PAK3: variants seen among roughly 807,000 people sequenced by gnomAD.
The protein encoded by PAK3 is serine/threonine-protein kinase PAK 3.
Under a neutral mutation model 41.0 loss-of-function variants are expected in PAK3, and 4 were observed. The ratio of observed to expected loss-of-function variants is 0.10; its 90% CI spans 0.05 to 0.22. The LOEUF (loss-of-function observed/expected upper bound fraction) is 0.22, where lower values mean the gene tolerates loss of function less well. Ranked by LOEUF, PAK3 falls within the 10% of genes least tolerant of loss-of-function variation. The pLI is 1.00. For missense variants in PAK3, 205 were observed against 409.9 expected, an observed-to-expected ratio of 0.50 and a Z score of 4.32; for synonymous variants, 146 against 139.6, an observed-to-expected ratio of 1.05 and a Z score of -0.32.
chrX:111,062,679 G>A (rs1016660489), intron 1 of PAK3, among the ~76,000 whole-genome samples: 13 of 111,410 alleles, frequency 1.2e-4, no homozygotes, highest in Non-Finnish European at 2.5e-4. Flanking sequence ...TCCAGGCTCA[G>A]CAGATCATAT....
chrX:111,171,126 A>T, intron 10 of PAK3, among the ~76,000 whole-genome samples: 1 of 111,212 alleles, frequency 9.0e-6, no homozygotes, highest in East Asian at 2.8e-4. Flanking sequence ...TGACTGGCAC[A>T]ATTGTTTGAA....
chrX:111,041,550 C>G (rs1489442623), intron 1 of PAK3, among the ~76,000 whole-genome samples: 2 of 111,782 alleles, frequency 1.8e-5, no homozygotes, highest in Non-Finnish European at 3.8e-5. Context: ...GCATTTGTGG[C>G]CTTCCACAGA....
chrX:110,955,646 A>G (rs993153578), intron 1 of PAK3, among the ~76,000 whole-genome samples: 1 of 111,710 alleles, frequency 9.0e-6, no homozygotes, highest in Non-Finnish European at 1.9e-5. Context: ...TCTTGATAAA[A>G]CAGGAAAGAA....
intron 11 of PAK3, 152 bp from the exon 12 acceptor site, chrX:111,191,975 T>C (rs1226919381): frequency 1.6e-5 from 6 of 380,006 alleles, no homozygotes; most frequent in East Asian, 1.1e-4. Context: ...TTAATCACAA[T>C]AATAATTTTT....
intron 1 of PAK3, among the ~76,000 whole-genome samples, chrX:111,041,884 A>G (rs931816768): frequency 9.0e-6 from 1 of 111,598 alleles, no homozygotes; most frequent in African/African-American, 3.3e-5. Flanking sequence ...TGACACTTAA[A>G]CACACACTGC....
At chrX:111,203,247 TTA>T (rs1329670717) in intron 16 of PAK3, among the ~76,000 whole-genome samples, 1 of 112,259 alleles carries the variant, frequency 8.9e-6, no homozygotes, top group Non-Finnish European at 1.9e-5. Flanking sequence ...GTCTAAAAAC[TTA>T]TGAGTAATAC....
intron 1 of PAK3, among the ~76,000 whole-genome samples, chrX:110,945,606 C>A (rs1212183407): frequency 8.9e-6 from 1 of 112,071 alleles, no homozygotes; most frequent in South Asian, 3.8e-4. Flanking sequence ...TTAGCGCATC[C>A]TAATGTCTTC....
At chrX:111,043,888 A>T (rs1291439753) in intron 1 of PAK3, among the ~76,000 whole-genome samples, 3 of 111,620 alleles carry the variant, frequency 2.7e-5, no homozygotes, top group African/African-American at 9.8e-5. Context: ...TTTCAATATT[A>T]AAGTTGAAAT....
rs771397059 is a variant in PAK3, at chrX:111,142,210, T to C, written c.276+14T>C. The C allele has an allele frequency of 2.2e-6, 2 of 913,793 alleles. No individual in the cohort carries two copies. Among genetic ancestry groups the C allele is most frequent in the Admixed American group, 2.2e-5 (1 of 45,676 alleles). The allele number at this position is 913,793 out of a possible 1,213,427, so 75.3% of individuals were successfully genotyped here. Reference sequence around the variant, plus strand: ...GGGGAATTCACTGTAAGTAAGCTCCTTGTTTTGTTTTGTAAGCCACGAAAG... The same window carrying C: ...GGGGAATTCACTGTAAGTAAGCTCCCTGTTTTGTTTTGTAAGCCACGAAAG... On this transcript the variant is annotated intron_variant, in intron 6 of 17. Transcript: ENST00000372007.
At chrX:111,152,541 C>A (rs2094044115) in intron 8 of PAK3, 94 bp downstream of exon 8, 5 of 607,166 alleles carry the variant, frequency 8.2e-6, no homozygotes, top group Admixed American at 5.2e-5. Flanking sequence ...GATATAAAGT[C>A]TTTTAAAAAC....
chrX:111,009,290 T>C (rs959129805), intron 1 of PAK3, among the ~76,000 whole-genome samples: 2 of 111,671 alleles, frequency 1.8e-5, no homozygotes, highest in South Asian at 3.8e-4. Flanking sequence ...TCTCCTGCTC[T>C]TTGGGGGCAA....
chrX:111,125,081 G>A (rs1183061688), intron 5 of PAK3, among the ~76,000 whole-genome samples: 6 of 111,491 alleles, frequency 5.4e-5, no homozygotes, highest in South Asian at 3.8e-4. Context: ...TCACAATCTC[G>A]CAAAGTTTCC....
chrX:111,227,260 A>C lies in PAK3; in HGVS notation c.*6813A>C, dbSNP rs952513956. ...TAAATTGTGGTTGAAGCAATAGAAA[A>C]TTGAAATATGGATTGTGCATGACTG... is the stretch of plus-strand genomic sequence containing the variant. On this transcript the variant is annotated 3_prime_UTR_variant, in exon 18 of 18. Transcript: ENST00000372007. The C allele has an allele frequency of 1.8e-5, 2 of 112,347 alleles. No homozygotes were observed. Among genetic ancestry groups the C allele is most frequent in the Non-Finnish European group, 3.8e-5 (2 of 53,306 alleles). 9.3% of individuals were successfully genotyped at this position (112,347 alleles called of 1,213,427 possible). A position where few individuals can be genotyped will look rare whatever the true frequency, so the allele number is the denominator to read the frequency against.
chrX:110,979,564 G>A (rs987115766), intron 1 of PAK3, among the ~76,000 whole-genome samples: 1 of 111,412 alleles, frequency 9.0e-6, no homozygotes, highest in Non-Finnish European at 1.9e-5. Flanking sequence ...AAAGTGCTGG[G>A]ATTACAGGCA....
intron 1 of PAK3, among the ~76,000 whole-genome samples, chrX:111,006,849 C>CTTTCTTTCTTTCTTTTTT (rs1556434441): frequency 1.2e-4 from 5 of 42,723 alleles, no homozygotes; most frequent in Admixed American, 3.8e-4. Flanking sequence ...TTCTTTCTTT[C>CTTTCTTTCTTTCTTTTTT]TTTTTTTTTT....
intron 1 of PAK3, among the ~76,000 whole-genome samples, chrX:111,077,987 G>T (rs1485331618): frequency 9.0e-6 from 1 of 111,675 alleles, no homozygotes. Context: ...ATTAAAAAAT[G>T]GAAAAAGGAC....
intron 4 of PAK3, among the ~76,000 whole-genome samples, chrX:111,118,048 G>C (rs969231018): frequency 9.0e-6 from 1 of 111,553 alleles, no homozygotes; most frequent in African/African-American, 3.3e-5. Flanking sequence ...GTATATTATG[G>C]GCATTAATGT....
intron 1 of PAK3, among the ~76,000 whole-genome samples, chrX:110,965,369 T>C (rs2091060712): frequency 8.9e-6 from 1 of 112,334 alleles, no homozygotes; most frequent in African/African-American, 3.2e-5. Flanking sequence ...AAGCTCCTCT[T>C]CTCTGGTCAG....
chrX:111,033,846 G>A (rs1435620775), intron 1 of PAK3, among the ~76,000 whole-genome samples: 1 of 111,522 alleles, frequency 9.0e-6, no homozygotes, highest in Non-Finnish European at 1.9e-5. Context: ...AGACAGCCTG[G>A]TGTGATGGCT....
Sources: allele counts gnomAD v4.1 joint callset (sites outside exome capture counted in the v4.1 genomes callset), GRCh38; gene constraint gnomAD v4.1.1; transcripts MANE v1.5; gene names NCBI Gene and HGNC (gene_info 2026-07-23, HGNC 2026-07-21).